Variants in ODR4 observed in about 807,000 individuals in gnomAD.
ODR4 encodes odr-4 GPCR localization factor homolog.
A neutral mutation model predicts 60.2 loss-of-function variants in ODR4; 47 were observed. The observed-to-expected ratio is 0.78, with a 90% CI of 0.62 to 1.00. The LOEUF is 1.00. Ranked by LOEUF, ODR4 falls within the 50% of genes least tolerant of loss-of-function variation. ODR4 has a pLI of 0.00. For synonymous variants in ODR4, 178 were observed against 175.5 expected, an observed-to-expected ratio of 1.01 and a Z score of -0.11; for missense variants, 488 against 530.8, an observed-to-expected ratio of 0.92 and a Z score of 0.79.
chr1:186,417,689 CATATTT>C (rs1462762872), intron 13 of ODR4, 35 bp downstream of exon 13: 20 of 1,095,470 alleles, frequency 1.8e-5, no homozygotes, highest in Non-Finnish European at 2.7e-5. Context: ...ACACTGAAAA[CATATTT>C]AGATTTGAGT....
At chr1:186,432,408 AATT>A in the ODR4 span, among the ~76,000 whole-genome samples, 2 of 152,164 alleles carry the variant, frequency 1.3e-5, no homozygotes, top group Admixed American at 6.5e-5. Flanking sequence ...ATGAGTTGAT[AATT>A]ATTCTCCTTT....
At position 186,399,047 on chromosome 1, in the gene ODR4, A is replaced by G. The variant is rs1270099134; in HGVS notation, c.1000+3A>G. On this transcript the variant is annotated splice_donor_region_variant and intron_variant, in intron 11 of 13. Coordinates refer to ENST00000287859, the MANE Select transcript of ODR4 (RefSeq NM_017847.6). Reference sequence around the variant, plus strand: ...GAATGAAATTCCAGAAAAAAAAGTTATGAGTATAAAATAAGTACTTTTTTG... The same window carrying G: ...GAATGAAATTCCAGAAAAAAAAGTTGTGAGTATAAAATAAGTACTTTTTTG... The G allele has an allele frequency of 1.3e-5, 21 of 1,594,264 alleles. No homozygotes were observed. The highest frequency in any genetic ancestry group is 1.5e-5 in the Non-Finnish European group (18 of 1,165,240).
intron 8 of ODR4, among the ~76,000 whole-genome samples, chr1:186,391,995 A>T (rs1660486147): frequency 6.6e-6 from 1 of 152,250 alleles, no homozygotes; most frequent in African/African-American, 2.4e-5. Flanking sequence ...GACACTTTTC[A>T]AAAGAAGACA....
intron 12 of ODR4, among the ~76,000 whole-genome samples, chr1:186,409,780 G>A (rs866674939): frequency 3.4e-4 from 52 of 152,254 alleles, no homozygotes; most frequent in African/African-American, 1.2e-3. Context: ...TCCTGACCTT[G>A]TGATCCGCCT....
At chr1:186,406,046 C>A in intron 11 of ODR4, 37 bp from the exon 12 acceptor site, 1 of 1,388,802 alleles carries the variant, frequency 7.2e-7, no homozygotes, top group Non-Finnish European at 9.6e-7. Context: ...CAGTGACAAA[C>A]CTATCTAAAT....
intron 8 of ODR4, among the ~76,000 whole-genome samples, chr1:186,393,738 T>G (rs543677390): frequency 1.3e-5 from 2 of 152,318 alleles, no homozygotes; most frequent in Non-Finnish European, 2.9e-5. Context: ...GTTGTTGCTT[T>G]AGAGGAATGA....
chr1:186,389,648 T>C, intron 6 of ODR4, 24 bp downstream of exon 6: 1 of 1,438,536 alleles, frequency 7.0e-7, no homozygotes, highest in Non-Finnish European at 9.4e-7. Context: ...TCTTTAAAGA[T>C]TTTTCTGTGT....
At chr1:186,399,442 C>G (rs1319310556) in intron 11 of ODR4, among the ~76,000 whole-genome samples, 1 of 152,114 alleles carries the variant, frequency 6.6e-6, no homozygotes, top group Non-Finnish European at 1.5e-5. Flanking sequence ...CTCCTGAACT[C>G]AAGTGATCCA....
chr1:186,394,252 A>G (rs1414717651), intron 9 of ODR4, among the ~76,000 whole-genome samples: 2 of 152,152 alleles, frequency 1.3e-5, no homozygotes, highest in African/African-American at 4.8e-5. Flanking sequence ...TTAAAAAAAT[A>G]TGTACACATA....
intron 9 of ODR4, among the ~76,000 whole-genome samples, chr1:186,394,756 TTTC>T (rs1401825465): frequency 6.6e-6 from 1 of 152,216 alleles, no homozygotes; most frequent in East Asian, 1.9e-4. Context: ...GATGTTTTAG[TTTC>T]TTCTTTTTCT....
chr1:186,427,293 T>G, the ODR4 span, among the ~76,000 whole-genome samples: 1 of 152,242 alleles, frequency 6.6e-6, no homozygotes, highest in Admixed American at 6.5e-5. Flanking sequence ...ACCCTATGGC[T>G]TCTTTTTCAA....
intron 11 of ODR4, chr1:186,399,293 C>T: frequency 2.1e-6 from 1 of 479,182 alleles, no homozygotes; most frequent in Middle Eastern, 6.3e-4. Context: ...GCAGCCTCAG[C>T]CTCTTGGGCT....
rs946464531 is a variant in ODR4 at position 186,389,844 on chromosome 1, G to A, written c.474+220G>A. Among the ~76,000 whole-genome samples the A allele has an allele frequency of 3.7e-4, 57 of 152,214 alleles. 1 individual carries two copies. The highest frequency in any genetic ancestry group is 1.4e-3 in the African/African-American group (57 of 41,446). On this transcript the variant is annotated intron_variant, in intron 6 of 13. Coordinates refer to ENST00000287859, the MANE Select transcript of ODR4 (RefSeq NM_017847.6). ...ACTCTCTTGCCCAAGCTAGAGTGCA[G>A]TGATGCAGTCATAGCTCACTGCAGC... is the stretch of plus-strand genomic sequence containing the variant.
chr1:186,430,403 A>C, the ODR4 span, among the ~76,000 whole-genome samples: 756 of 152,166 alleles, frequency 5.0e-3, 6 homozygotes, highest in African/African-American at 0.017. Context: ...TTTGTTGAGG[A>C]GATTTTTTGT....
the ODR4 span, among the ~76,000 whole-genome samples, chr1:186,429,091 C>T: frequency 6.6e-6 from 1 of 151,960 alleles, no homozygotes; most frequent in Admixed American, 6.6e-5. Flanking sequence ...ACAACAACAC[C>T]AAACAAAAAT....
chr1:186,433,160 A>G, the ODR4 span, among the ~76,000 whole-genome samples: 1 of 152,134 alleles, frequency 6.6e-6, no homozygotes, highest in East Asian at 1.9e-4. Flanking sequence ...TAATTTATGC[A>G]TGTACTTATT....
At position 186,417,665 on chromosome 1, in the gene ODR4, T is replaced by C. The variant is rs766009239; in HGVS notation, c.1297+11T>C. The C allele has an allele frequency of 7.5e-7, 1 of 1,325,756 alleles. No homozygotes were observed. Among genetic ancestry groups the C allele is most frequent in the Non-Finnish European group, 1.1e-6 (1 of 939,742 alleles). The allele number at this position is 1,325,756 out of a possible 1,614,324, so 82.1% of individuals were successfully genotyped here. ...TTCAGCAAAACATAGGTATTTAATT[T>C]TACTTCTTTTATAACACTGAAAACA... On this transcript the variant is annotated intron_variant, in intron 13 of 13. Coordinates refer to ENST00000287859, the MANE Select transcript of ODR4 (RefSeq NM_017847.6).
chr1:186,402,637 C>T (rs1388325331), intron 11 of ODR4, among the ~76,000 whole-genome samples: 1 of 150,552 alleles, frequency 6.6e-6, no homozygotes, highest in Non-Finnish European at 1.5e-5. Context: ...AGTCCTGTGG[C>T]TGTGCACAGG....
At chr1:186,380,625 CA>C (rs1174437366) in intron 2 of ODR4, among the ~76,000 whole-genome samples, 1 of 151,156 alleles carries the variant, frequency 6.6e-6, no homozygotes, top group Non-Finnish European at 1.5e-5. Context: ...TGTGTCCATC[CA>C]AACACAGGAG....
Sources: allele counts gnomAD v4.1 joint callset (sites outside exome capture counted in the v4.1 genomes callset), GRCh38; gene constraint gnomAD v4.1.1; transcripts MANE v1.5; gene names NCBI Gene and HGNC (gene_info 2026-07-23, HGNC 2026-07-21).